Variants in PTPRT observed in about 807,000 individuals in gnomAD.
PTPRT encodes the protein protein tyrosine phosphatase receptor type T, also known as receptor-type tyrosine-protein phosphatase T.
A neutral mutation model predicts 176.8 loss-of-function variants in PTPRT; 56 were observed. The observed-to-expected ratio is 0.32, with a 90% confidence interval of 0.26 to 0.40. The LOEUF is 0.40. Ranked by LOEUF, PTPRT falls within the 10% of genes least tolerant of loss-of-function variation. PTPRT has a pLI of 1.00. For missense variants in PTPRT, 1,540 were observed against 1,908.2 expected (o/e 0.81, Z 3.60); for synonymous variants, 783 against 739.0 (o/e 1.06, Z -0.96).
At chr20:42,415,301 C>T (rs1199470982) in intron 9 of PTPRT, among the ~76,000 whole-genome samples, 1 of 152,178 alleles carries the variant, frequency 6.6e-6, no homozygotes, top group Non-Finnish European at 1.5e-5. Flanking sequence ...CTTGCCTCAG[C>T]CTTCCAAATC....
intron 1 of PTPRT, among the ~76,000 whole-genome samples, chr20:42,987,514 T>G (rs1983665408): frequency 6.6e-6 from 1 of 152,156 alleles, no homozygotes; most frequent in Admixed American, 6.5e-5. Context: ...TCACCTTGCT[T>G]GCTTCCCAGC....
intron 5 of PTPRT, among the ~76,000 whole-genome samples, chr20:42,765,033 G>T (rs1039397570): frequency 6.6e-6 from 1 of 152,324 alleles, no homozygotes; most frequent in African/African-American, 2.4e-5. Context: ...CAACCCTGTT[G>T]CAGCTGCTGG....
chr20:42,938,020 G>T (rs1192646903), intron 1 of PTPRT, among the ~76,000 whole-genome samples: 2 of 152,098 alleles, frequency 1.3e-5, no homozygotes, highest in Non-Finnish European at 2.9e-5. Flanking sequence ...ATAAATATGT[G>T]TTAAAGATTT....
Position 42,161,377 on chromosome 20 carries a change from C to T in PTPRT, c.2657G>A (p.Gly886Asp). ...QHITQMKRGQGYGFKEEYEAL... is the reference protein window; with the variant it reads ...QHITQMKRGQDYGFKEEYEAL... Reference sequence around the variant, plus strand: ...CTCGTATTCCTCCTTGAACCCGTAGCCCTGGCCTCTCTTCATCTGCGTGAT... The same window carrying T: ...CTCGTATTCCTCCTTGAACCCGTAGTCCTGGCCTCTCTTCATCTGCGTGAT... Residue 886 changes from glycine (G) to aspartate (D), a missense_variant, in exon 17 of 31, where the codon GGC becomes GAC. This residue lies in a region of PTPRT where 255 missense variants were observed against 250.1 expected (regional missense o/e 1.02). Transcript: ENST00000373187. The T allele has an allele frequency of 1.9e-6, 3 of 1,614,124 alleles. No homozygotes were observed. In the South Asian group the frequency reaches 3.3e-5, roughly 18 times the overall value.
intron 8 of PTPRT, among the ~76,000 whole-genome samples, chr20:42,449,932 A>T (rs546087196): frequency 1.3e-5 from 2 of 152,312 alleles, no homozygotes; most frequent in East Asian, 1.9e-4. Context: ...AAATTTTATT[A>T]AAAAAAGATA....
chr20:42,095,183 C>T (rs1027436607), intron 27 of PTPRT, among the ~76,000 whole-genome samples: 3 of 152,186 alleles, frequency 2.0e-5, no homozygotes, highest in Non-Finnish European at 4.4e-5. Flanking sequence ...TTTCAGAAAC[C>T]ACTCTTCCCC....
intron 7 of PTPRT, among the ~76,000 whole-genome samples, chr20:42,624,868 C>A (rs1600492888): frequency 6.6e-6 from 1 of 152,034 alleles, no homozygotes; most frequent in African/African-American, 2.4e-5. Context: ...CGTAAAAAGT[C>A]AGGACTAGCA....
intron 1 of PTPRT, among the ~76,000 whole-genome samples, chr20:42,946,237 G>C (rs561054059): frequency 5.3e-5 from 8 of 152,212 alleles, no homozygotes; most frequent in Admixed American, 3.9e-4. Context: ...GCAATCCCTG[G>C]GGGGAACTTG....
intron 9 of PTPRT, among the ~76,000 whole-genome samples, chr20:42,377,336 C>G (rs991972958): frequency 6.6e-6 from 1 of 152,116 alleles, no homozygotes; most frequent in Non-Finnish European, 1.5e-5. Context: ...TGGTTTATTC[C>G]TAGAAGGTAA....
intron 9 of PTPRT, among the ~76,000 whole-genome samples, chr20:42,373,073 G>A (rs1158466690): frequency 2.0e-5 from 3 of 152,328 alleles, no homozygotes; most frequent in Admixed American, 6.5e-5. Context: ...TGGAGGACAC[G>A]CACATTTTGC....
At chr20:42,581,615 C>T (rs942573106) in intron 7 of PTPRT, among the ~76,000 whole-genome samples, 2 of 151,630 alleles carry the variant, frequency 1.3e-5, no homozygotes, top group Non-Finnish European at 2.9e-5. Context: ...TACTCCATCC[C>T]TAAGTCTTCC....
At chr20:42,463,224 C>T (rs190763817) in intron 8 of PTPRT, among the ~76,000 whole-genome samples, 25 of 152,164 alleles carry the variant, frequency 1.6e-4, no homozygotes, top group African/African-American at 4.8e-4. Flanking sequence ...GCAAAAAATT[C>T]CTTTTTTTGT....
intron 7 of PTPRT, among the ~76,000 whole-genome samples, chr20:42,511,467 CT>C (rs2071955017): frequency 1.3e-5 from 2 of 151,446 alleles, no homozygotes; most frequent in African/African-American, 4.9e-5. Flanking sequence ...TGATTGAAGG[CT>C]TTCACCAAAT....
intron 7 of PTPRT, among the ~76,000 whole-genome samples, chr20:42,646,712 A>T (rs1377848200): frequency 6.6e-6 from 1 of 151,860 alleles, no homozygotes; most frequent in Non-Finnish European, 1.5e-5. Flanking sequence ...ATGGTGCTGC[A>T]CTATAGGCTT....
chr20:42,386,283 G>T (rs557772434), intron 9 of PTPRT, among the ~76,000 whole-genome samples: 23 of 152,286 alleles, frequency 1.5e-4, no homozygotes, highest in African/African-American at 5.5e-4. Context: ...ATTATACAGA[G>T]AGTGACAGGG....
chr20:43,042,815 G>T lies in PTPRT; in HGVS notation c.88+146831C>A, dbSNP rs76022129. Among the ~76,000 whole-genome samples the T allele has an allele frequency of 6.9e-3, 1,045 of 150,750 alleles. 13 individuals are homozygous for T. Among genetic ancestry groups the T allele is most frequent in the African/African-American group, 0.024 (972 of 40,850 alleles). On this transcript the variant is annotated intron_variant, in intron 1 of 30. Coordinates refer to ENST00000373187, the MANE Select transcript of PTPRT (RefSeq NM_007050.6). ...ATTTCCTCTATCCCAAGCGCTAATG[G>T]TTTATGCCACTCTCTCCTTCCAATT...
At chr20:42,749,531 G>A (rs1417017982) in intron 6 of PTPRT, among the ~76,000 whole-genome samples, 6 of 152,202 alleles carry the variant, frequency 3.9e-5, no homozygotes, top group African/African-American at 1.4e-4. Context: ...GCCTAGCTCT[G>A]CCACTTATGA....
intron 9 of PTPRT, among the ~76,000 whole-genome samples, chr20:42,397,115 A>C (rs1450764365): frequency 6.6e-6 from 1 of 152,160 alleles, no homozygotes; most frequent in African/African-American, 2.4e-5. Flanking sequence ...CTCCAGTGAG[A>C]TGGTGTCAGT....
At chr20:43,145,460 A>C (rs2014142419) in intron 1 of PTPRT, among the ~76,000 whole-genome samples, 1 of 152,238 alleles carries the variant, frequency 6.6e-6, no homozygotes, top group South Asian at 2.1e-4. Flanking sequence ...CTTCAGATGC[A>C]CACATAATTT....
Sources: gnomAD v4.1 joint callset for allele counts (sites outside exome capture counted in the v4.1 genomes callset) on GRCh38, gnomAD v4.1.1 for gene constraint, gnomAD v4.1.1 regional missense constraint, MANE v1.5 for transcripts, NCBI Gene and HGNC (gene_info 2026-07-23, HGNC 2026-07-21) for gene names.